GNA14: variants seen among roughly 807,000 people sequenced by gnomAD.
The protein encoded by GNA14 is guanine nucleotide-binding protein subunit alpha-14.
GNA14 carries 50 observed loss-of-function variants against 42.0 expected under a neutral mutation model. That is an observed-to-expected ratio of 1.19 (90% CI 0.95 to 1.51). The LOEUF (loss-of-function observed/expected upper bound fraction) is 1.51. Among genes scored for constraint, GNA14 ranks in the 40% most tolerant of loss-of-function variants. GNA14 has a pLI of 0.00. For missense variants in GNA14, 473 were observed against 446.2 expected (o/e 1.06, Z -0.54); for synonymous variants, 173 against 163.1 (o/e 1.06, Z -0.46).
At chr9:77,540,662 A>G (rs1837648651) in intron 1 of GNA14, among the ~76,000 whole-genome samples, 1 of 151,958 alleles carries the variant, frequency 6.6e-6, no homozygotes, top group South Asian at 2.1e-4. Flanking sequence ...CAGTTTTGGG[A>G]GCATATATAT....
At chr9:77,472,457 T>C (rs1479425822) in intron 2 of GNA14, among the ~76,000 whole-genome samples, 2 of 152,076 alleles carry the variant, frequency 1.3e-5, no homozygotes, top group Non-Finnish European at 2.9e-5. Flanking sequence ...ATAAAAGGCA[T>C]CCAGAGAAAA....
chr9:77,642,264 G>A (rs1450922623), intron 1 of GNA14, among the ~76,000 whole-genome samples: 1 of 152,208 alleles, frequency 6.6e-6, no homozygotes, highest in Non-Finnish European at 1.5e-5. Flanking sequence ...AGAGGTACGT[G>A]CATTTGCCTC....
intron 1 of GNA14, among the ~76,000 whole-genome samples, chr9:77,534,466 A>C (rs1331858344): frequency 6.6e-6 from 1 of 152,364 alleles, no homozygotes; most frequent in East Asian, 1.9e-4. Context: ...TCTAATGTTT[A>C]CATAAAATTC....
At chr9:77,606,583 G>A (rs1431407002) in intron 1 of GNA14, among the ~76,000 whole-genome samples, 2 of 152,176 alleles carry the variant, frequency 1.3e-5, no homozygotes, top group Non-Finnish European at 1.5e-5. Context: ...TACTGGTAAT[G>A]CTCAGTGCAA....
chr9:77,509,831 G>A (rs1837131194), intron 2 of GNA14, among the ~76,000 whole-genome samples: 1 of 152,288 alleles, frequency 6.6e-6, no homozygotes, highest in South Asian at 2.1e-4. Context: ...AGATCCAGTG[G>A]AAACCAAATT....
Position 77,423,844 on chromosome 9 carries a change from C to G in GNA14, c.*135G>C. On this transcript the variant is annotated 3_prime_UTR_variant, in exon 7 of 7. Coordinates refer to ENST00000341700, the MANE Select transcript of GNA14 (RefSeq NM_004297.4). ...ATCTTCCAAGTTCCATCACCCATCTCTGTCCCCACGATCTACATGACATCC... is the reference window on the plus strand; with the variant it reads ...ATCTTCCAAGTTCCATCACCCATCTGTGTCCCCACGATCTACATGACATCC... 2.1e-6 allele frequency: 1 copy of G among 486,676 alleles called. No individual in the cohort carries two copies. Among genetic ancestry groups the G allele is most frequent in the Non-Finnish European group, 3.6e-6 (1 of 275,678 alleles). The allele number at this position is 486,676 out of a possible 1,614,324, so 30.1% of individuals were successfully genotyped here.
intron 2 of GNA14, among the ~76,000 whole-genome samples, chr9:77,519,848 A>G (rs1837322976): frequency 6.6e-6 from 1 of 152,030 alleles, no homozygotes; most frequent in African/African-American, 2.4e-5. Flanking sequence ...TATCTCTACT[A>G]AAAATACAAA....
intron 2 of GNA14, among the ~76,000 whole-genome samples, chr9:77,469,999 C>G (rs1262352203): frequency 6.6e-6 from 1 of 152,172 alleles, no homozygotes; most frequent in Non-Finnish European, 1.5e-5. Flanking sequence ...GCTGAGGAAG[C>G]AGATCTGCTT....
At chr9:77,591,840 C>G (rs947718325) in intron 1 of GNA14, among the ~76,000 whole-genome samples, 22 of 152,006 alleles carry the variant, frequency 1.4e-4, no homozygotes, top group African/African-American at 5.1e-4. Flanking sequence ...CATAATACTT[C>G]TCATGCACCC....
intron 1 of GNA14, among the ~76,000 whole-genome samples, chr9:77,647,062 G>T (rs538376254): frequency 1.3e-5 from 2 of 152,352 alleles, no homozygotes; most frequent in African/African-American, 4.8e-5. Flanking sequence ...CACGGTCAGA[G>T]GAGCAGCAAC....
intron 1 of GNA14, among the ~76,000 whole-genome samples, chr9:77,623,216 C>CAAAAAAAAAA (rs34368561): frequency 1.5e-3 from 40 of 26,848 alleles, no homozygotes; most frequent in South Asian, 6.9e-3. Flanking sequence ...GACGCTGTCT[C>CAAAAAAAAAA]AAAAAAAAAA....
At chr9:77,483,442 AGAG>A (rs1564027947) in intron 2 of GNA14, among the ~76,000 whole-genome samples, 1 of 152,150 alleles carries the variant, frequency 6.6e-6, no homozygotes. Context: ...GTTTTGTGTC[AGAG>A]GAGTACCCGG....
intron 2 of GNA14, among the ~76,000 whole-genome samples, chr9:77,504,692 G>A (rs1837038125): frequency 8.7e-6 from 1 of 115,554 alleles, no homozygotes; most frequent in African/African-American, 3.4e-5. Flanking sequence ...TTTGGAGACA[G>A]AGTCTTGCTC....
At chr9:77,641,006 A>C (rs1490368692) in intron 1 of GNA14, among the ~76,000 whole-genome samples, 4 of 144,996 alleles carry the variant, frequency 2.8e-5, no homozygotes, top group Non-Finnish European at 6.0e-5. Flanking sequence ...TGAAGTAAAA[A>C]ATCATTGAGG....
intron 1 of GNA14, 84 bp from the exon 2 acceptor site, chr9:77,529,337 A>G (rs1837493828): frequency 9.8e-7 from 1 of 1,020,482 alleles, no homozygotes; most frequent in Non-Finnish European, 1.5e-6. Flanking sequence ...TGGCAGTATT[A>G]ATCCACATCC....
chr9:77,585,433 T>C (rs1478039749), intron 1 of GNA14, among the ~76,000 whole-genome samples: 2 of 152,182 alleles, frequency 1.3e-5, no homozygotes, highest in East Asian at 1.9e-4. Context: ...TGACTCACTA[T>C]AGTCTCTTAT....
intron 2 of GNA14, among the ~76,000 whole-genome samples, chr9:77,446,077 G>A (rs1488227052): frequency 6.6e-6 from 1 of 152,220 alleles, no homozygotes; most frequent in Non-Finnish European, 1.5e-5. Context: ...ACTCTGCAGG[G>A]AAAGGCAGAG....
intron 2 of GNA14, among the ~76,000 whole-genome samples, chr9:77,485,057 A>T (rs1836633240): frequency 6.6e-6 from 1 of 152,166 alleles, no homozygotes; most frequent in African/African-American, 2.4e-5. Flanking sequence ...GCAGCAATGA[A>T]GTTTGCCGCA....
At chr9:77,453,389 T>C (rs1483918368) in intron 2 of GNA14, among the ~76,000 whole-genome samples, 3 of 152,206 alleles carry the variant, frequency 2.0e-5, no homozygotes, top group South Asian at 4.1e-4. Context: ...CTAAGACAGA[T>C]ATTAGTCTCT....
Sources: allele counts gnomAD v4.1 joint callset (sites outside exome capture counted in the v4.1 genomes callset), GRCh38; gene constraint gnomAD v4.1.1; transcripts MANE v1.5; gene names NCBI Gene and HGNC (gene_info 2026-07-23, HGNC 2026-07-21).